CEP57L1: variants seen among roughly 807,000 people sequenced by gnomAD.
The protein encoded by CEP57L1 is centrosomal protein 57 like 1.
Under a neutral mutation model 61.0 loss-of-function variants are expected in CEP57L1, and 37 were observed. The ratio of observed to expected loss-of-function variants is 0.61; its 90% CI spans 0.47 to 0.80. The LOEUF is 0.80. Among genes scored for constraint, CEP57L1 ranks in the 30% least tolerant of loss-of-function variants. The pLI is 0.00. For missense variants in CEP57L1, 422 were observed against 524.7 expected (o/e 0.80, Z 1.91); for synonymous variants, 137 against 162.3 (o/e 0.84, Z 1.19).
rs1773857419 is a variant in CEP57L1, at chr6:109,162,975, A to G, written c.*5A>G. ...GATATCATGTGGGAACAGTAACAAA[A>G]CAGCAAAACTGTCACCTTAATGAAC... On this transcript the variant is annotated 3_prime_UTR_variant, in exon 11 of 11. Transcript: ENST00000517392. 1 of 1,583,212 alleles carries G rather than the reference A, an allele frequency of 6.3e-7. No homozygotes were observed. The highest frequency in any genetic ancestry group is 8.7e-7 in the Non-Finnish European group (1 of 1,154,184).
In CEP57L1 at chr6:109,150,200, C is replaced by T; in HGVS notation, c.423C>T (p.Leu141=). The part of the protein sequence containing the change: ...KQLEYTKRMV[L]NVEREKNMIL... ...TAGAATATACAAAGAGAATGGTTCT[C>T]AACGTAGAGCGAGAAAAGAACATGA... The change falls in exon 4 of 11, where the codon CTC becomes CTT. Residue 141 remains leucine (L), a synonymous_variant. Coordinates refer to ENST00000517392, the MANE Select transcript of CEP57L1 (RefSeq NM_001271852.3). 6.2e-7 allele frequency: 1 copy of T among 1,607,698 alleles called. No individual in the cohort carries two copies. The highest frequency in any genetic ancestry group is 8.5e-7 in the Non-Finnish European group (1 of 1,174,624).
At chr6:109,117,448 G>A (rs1247926035) in intron 1 of CEP57L1, among the ~76,000 whole-genome samples, 1 of 152,214 alleles carries the variant, frequency 6.6e-6, no homozygotes, top group Non-Finnish European at 1.5e-5. Context: ...GCTAGGGCTT[G>A]TCTGGGCTAG....
chr6:109,134,096 A>G (rs1185527945), intron 1 of CEP57L1, among the ~76,000 whole-genome samples: 3 of 152,218 alleles, frequency 2.0e-5, no homozygotes, highest in African/African-American at 7.2e-5. Flanking sequence ...AAAACCTGGC[A>G]GAGACAAAAC....
chr6:109,135,148 A>C (rs1323702669), intron 1 of CEP57L1, among the ~76,000 whole-genome samples: 1 of 152,182 alleles, frequency 6.6e-6, no homozygotes, highest in Non-Finnish European at 1.5e-5. Flanking sequence ...GCATCATGCT[A>C]CCTGACTTCA....
rs34762597 is a variant in CEP57L1, at chr6:109,167,329, ATT to A, written c.*4368_*4369del. 0.024 allele frequency among the ~76,000 whole-genome samples: 3,583 copies of A among 150,446 alleles called. 138 individuals are homozygous for A. Among genetic ancestry groups the A allele is most frequent in the African/African-American group, 0.082 (3,366 of 41,010 alleles). On this transcript the variant is annotated 3_prime_UTR_variant, in exon 11 of 11. Coordinates refer to ENST00000517392, the MANE Select transcript of CEP57L1 (RefSeq NM_001271852.3). The stretch of plus-strand genomic sequence containing the variant: ...ATTGTTTACTTAAAGAATTAGGTGA[ATT>A]TTTTTTTTCCTGGTAGGTTTATTGG...
intron 1 of CEP57L1, among the ~76,000 whole-genome samples, chr6:109,111,655 G>C (rs941583922): frequency 1.3e-5 from 2 of 152,100 alleles, no homozygotes; most frequent in African/African-American, 4.8e-5. Context: ...TATTGGCTGT[G>C]GGTTTGTCAT....
intron 3 of CEP57L1, among the ~76,000 whole-genome samples, chr6:109,149,825 G>A (rs559080959): frequency 2.0e-5 from 3 of 152,040 alleles, no homozygotes; most frequent in Non-Finnish European, 4.4e-5. Flanking sequence ...TCCTTGAAGA[G>A]GTCCTTTATG....
At chr6:109,130,218 C>A (rs936150129) in intron 1 of CEP57L1, among the ~76,000 whole-genome samples, 9 of 151,968 alleles carry the variant, frequency 5.9e-5, no homozygotes, top group Non-Finnish European at 5.9e-5. Context: ...TCATTTCACT[C>A]CCCCCCAGCA....
intron 4 of CEP57L1, 61 bp from the exon 5 acceptor site, chr6:109,153,772 C>T: frequency 1.1e-6 from 1 of 871,634 alleles, no homozygotes; most frequent in South Asian, 1.4e-5. Context: ...TTGTATTATT[C>T]TTGTTCCATT....
intron 1 of CEP57L1, among the ~76,000 whole-genome samples, chr6:109,107,202 A>T (rs1352316752): frequency 6.6e-6 from 1 of 152,158 alleles, no homozygotes; most frequent in South Asian, 2.1e-4. Context: ...TGATTTTCTT[A>T]ATCATTTTAA....
chr6:109,150,359 C>A (rs896645765), intron 4 of CEP57L1, 120 bp downstream of exon 4: 10 of 1,156,682 alleles, frequency 8.6e-6, no homozygotes, highest in East Asian at 5.4e-5. Context: ...GTCTAACTTA[C>A]GTGTAATTGG....
At chr6:109,130,376 C>T (rs1774040451) in intron 1 of CEP57L1, among the ~76,000 whole-genome samples, 1 of 151,374 alleles carries the variant, frequency 6.6e-6, no homozygotes, top group South Asian at 2.1e-4. Flanking sequence ...ATCATATCTT[C>T]AAGGTTCATC....
chr6:109,124,782 C>T (rs1412319441), intron 1 of CEP57L1, among the ~76,000 whole-genome samples: 1 of 152,192 alleles, frequency 6.6e-6, no homozygotes, highest in Non-Finnish European at 1.5e-5. Flanking sequence ...ATTCACCCTT[C>T]ATGTCTCAGT....
At chr6:109,113,767 A>G (rs1771954942) in intron 1 of CEP57L1, among the ~76,000 whole-genome samples, 2 of 152,166 alleles carry the variant, frequency 1.3e-5, no homozygotes, top group African/African-American at 2.4e-5. Context: ...ATGTATTTCT[A>G]TTACATTAAT....
intron 1 of CEP57L1, among the ~76,000 whole-genome samples, chr6:109,126,905 C>T (rs998211938): frequency 3.9e-5 from 6 of 152,118 alleles, no homozygotes; most frequent in Admixed American, 2.0e-4. Context: ...CGGTGCCTCA[C>T]GCCTGTAATC....
At chr6:109,122,884 T>C (rs578065294) in intron 1 of CEP57L1, among the ~76,000 whole-genome samples, 4 of 152,340 alleles carry the variant, frequency 2.6e-5, no homozygotes, top group African/African-American at 9.6e-5. Flanking sequence ...TTACTCTTAT[T>C]GTAGACACAC....
At chr6:109,120,762 A>G (rs1772856457) in intron 1 of CEP57L1, among the ~76,000 whole-genome samples, 1 of 152,164 alleles carries the variant, frequency 6.6e-6, no homozygotes, top group Non-Finnish European at 1.5e-5. Flanking sequence ...TAGAAACACT[A>G]TTGTTATAAA....
intron 1 of CEP57L1, among the ~76,000 whole-genome samples, chr6:109,110,618 G>A (rs1167870653): frequency 6.6e-6 from 1 of 152,114 alleles, no homozygotes; most frequent in Non-Finnish European, 1.5e-5. Context: ...TGTCCTGAAT[G>A]GTATTGCCTA....
chr6:109,162,594 T>C (rs1773816218), intron 10 of CEP57L1, among the ~76,000 whole-genome samples, 155 bp from the exon 11 acceptor site: 1 of 152,132 alleles, frequency 6.6e-6, no homozygotes, highest in Non-Finnish European at 1.5e-5. Context: ...GTTAGGCATG[T>C]AATAGATGTT....
Sources: gnomAD v4.1 joint callset for allele counts (sites outside exome capture counted in the v4.1 genomes callset) on GRCh38, gnomAD v4.1.1 for gene constraint, MANE v1.5 for transcripts, NCBI Gene and HGNC (gene_info 2026-07-23, HGNC 2026-07-21) for gene names.